The following ERBB4 variants were observed in gnomAD, a reference collection of about 807,000 sequenced individuals.
ERBB4 encodes the protein receptor tyrosine-protein kinase erbB-4.
In ERBB4, 42 loss-of-function variants were observed where a neutral mutation model predicts 158.0. The observed-to-expected ratio is 0.27, with a 90% CI of 0.21 to 0.34. The LOEUF (loss-of-function observed/expected upper bound fraction) is 0.34. ERBB4 is among the 10% of genes least tolerant of loss of function. ERBB4 has a pLI of 1.00. For missense variants in ERBB4, 1,333 were observed against 1,624.1 expected, an observed-to-expected ratio of 0.82 and a Z score of 3.08; for synonymous variants, 583 against 558.7, an observed-to-expected ratio of 1.04 and a Z score of -0.61.
intron 5 of ERBB4, among the ~76,000 whole-genome samples, chr2:211,749,627 T>G (rs913278490): frequency 1.2e-4 from 18 of 152,196 alleles, no homozygotes; most frequent in Non-Finnish European, 2.9e-5. Context: ...TTGGAAATAT[T>G]TTTCCTATAT....
At chr2:211,494,434 TAA>T (rs138918732) in intron 20 of ERBB4, among the ~76,000 whole-genome samples, 3,229 of 152,186 alleles carry the variant, frequency 0.021, 131 homozygotes, top group African/African-American at 0.074. Context: ...GAACACCAAA[TAA>T]AAGTTTACTT....
intron 1 of ERBB4, among the ~76,000 whole-genome samples, chr2:212,399,710 C>CAAAAA (rs774502441): frequency 0.047 from 5,019 of 106,486 alleles, 547 homozygotes; most frequent in African/African-American, 0.11. Context: ...ACTAAAAATA[C>CAAAAA]AAAAAAAAAA....
chr2:211,470,086 G>A (rs1040985703), intron 20 of ERBB4, among the ~76,000 whole-genome samples: 1 of 151,744 alleles, frequency 6.6e-6, no homozygotes, highest in Non-Finnish European at 1.5e-5. Context: ...CCCTCCTAAA[G>A]GCACTTAGTG....
At chr2:211,811,594 C>A (rs1196993784) in intron 3 of ERBB4, among the ~76,000 whole-genome samples, 1 of 152,134 alleles carries the variant, frequency 6.6e-6, no homozygotes, top group Non-Finnish European at 1.5e-5. Flanking sequence ...CCCTGGATAA[C>A]ATCCTGAAGA....
chr2:211,574,554 CAA>C (rs2067835715), intron 19 of ERBB4, among the ~76,000 whole-genome samples: 1 of 152,088 alleles, frequency 6.6e-6, no homozygotes, highest in Non-Finnish European at 1.5e-5. Flanking sequence ...AAGAGAAACA[CAA>C]AAGTGTCTGC....
chr2:212,346,810 A>G (rs995159892), intron 1 of ERBB4, among the ~76,000 whole-genome samples: 3 of 152,140 alleles, frequency 2.0e-5, no homozygotes, highest in Admixed American at 1.3e-4. Context: ...GGTACTTAGG[A>G]AAGAATGGAA....
chr2:211,744,507 G>A (rs1278570446), intron 5 of ERBB4, among the ~76,000 whole-genome samples: 1 of 152,136 alleles, frequency 6.6e-6, no homozygotes, highest in South Asian at 2.1e-4. Flanking sequence ...CTTCCCTGAA[G>A]CTCACTGTTG....
intron 3 of ERBB4, among the ~76,000 whole-genome samples, chr2:211,901,027 C>T (rs2079220601): frequency 6.6e-6 from 1 of 152,126 alleles, no homozygotes; most frequent in East Asian, 1.9e-4. Context: ...CTTGATTTTA[C>T]AAATATTATA....
At chr2:212,039,275 G>A (rs2077084831) in intron 2 of ERBB4, among the ~76,000 whole-genome samples, 1 of 152,108 alleles carries the variant, frequency 6.6e-6, no homozygotes, top group Non-Finnish European at 1.5e-5. Context: ...AATAATGATT[G>A]TATACTTTCT....
intron 3 of ERBB4, among the ~76,000 whole-genome samples, chr2:211,856,080 A>C (rs1007680535): frequency 9.9e-5 from 15 of 152,214 alleles, no homozygotes; most frequent in Non-Finnish European, 1.6e-4. Flanking sequence ...GTACCCATGT[A>C]ACAAAATTGC....
At chr2:212,123,435 C>CA (rs911976961) in intron 2 of ERBB4, among the ~76,000 whole-genome samples, 1 of 151,986 alleles carries the variant, frequency 6.6e-6, no homozygotes, top group Non-Finnish European at 1.5e-5. Flanking sequence ...AAAGAAAAAA[C>CA]AAAAAAGTAA....
At chr2:212,487,865 A>G (rs912324619) in intron 1 of ERBB4, among the ~76,000 whole-genome samples, 19 of 152,076 alleles carry the variant, frequency 1.2e-4, no homozygotes, top group African/African-American at 4.6e-4. Context: ...ATTATGATGT[A>G]TTTGTCTTAA....
At chr2:211,408,335 C>T (rs1003841881) in intron 25 of ERBB4, among the ~76,000 whole-genome samples, 3 of 152,182 alleles carry the variant, frequency 2.0e-5, no homozygotes, top group African/African-American at 7.2e-5. Flanking sequence ...ATAAAACATT[C>T]ATTAACATTC....
At chr2:212,406,535 A>T (rs2091349323) in intron 1 of ERBB4, among the ~76,000 whole-genome samples, 1 of 152,206 alleles carries the variant, frequency 6.6e-6, no homozygotes, top group South Asian at 2.1e-4. Flanking sequence ...ATGATTACAC[A>T]TATTATAGTT....
chr2:212,455,328 T>TTTTTAACACCTAGGTGCCTCC (rs1349105698), intron 1 of ERBB4, among the ~76,000 whole-genome samples: 3 of 152,158 alleles, frequency 2.0e-5, no homozygotes, highest in Non-Finnish European at 4.4e-5. Context: ...CATTAGGTGA[T>TTTTTAACACCTAGGTGCCTCC]CTCATGTATG....
intron 1 of ERBB4, among the ~76,000 whole-genome samples, chr2:212,406,765 C>T (rs1253553288): frequency 1.3e-5 from 2 of 152,032 alleles, no homozygotes; most frequent in Non-Finnish European, 2.9e-5. Context: ...CCAATACTTG[C>T]ATTATGAGTC....
At chr2:211,632,690 T>C (rs2070190926) in intron 16 of ERBB4, among the ~76,000 whole-genome samples, 1 of 152,092 alleles carries the variant, frequency 6.6e-6, no homozygotes, top group Admixed American at 6.5e-5. Context: ...ACCTCTCTTT[T>C]TTCTTATTTT....
chr2:212,452,811 AAG>A lies in ERBB4; in HGVS notation c.82+85636_82+85637del, dbSNP rs1212346182. Among the ~76,000 whole-genome samples, 10 of 152,288 alleles carry A rather than the reference AAG, an allele frequency of 6.6e-5. No individual in the cohort carries two copies. The East Asian group carries it at 1.9e-3, about 29-fold the overall frequency. On this transcript the variant is annotated intron_variant, in intron 1 of 27. Coordinates refer to ENST00000342788, the MANE Select transcript of ERBB4 (RefSeq NM_005235.3). ...ATCTACATACTAGAAATATTAAAAT[AAG>A]AGATAAAAAGTTAAAATTTGTTTTT...
intron 3 of ERBB4, among the ~76,000 whole-genome samples, chr2:211,842,019 T>C (rs890368306): frequency 2.0e-5 from 3 of 152,056 alleles, no homozygotes; most frequent in Non-Finnish European, 2.9e-5. Context: ...GCAAGTATTA[T>C]TTACAATTCT....
Sources: allele counts gnomAD v4.1 joint callset (sites outside exome capture counted in the v4.1 genomes callset), GRCh38; gene constraint gnomAD v4.1.1; transcripts MANE v1.5; gene names NCBI Gene and HGNC (gene_info 2026-07-23, HGNC 2026-07-21).